IGF2: variants seen among roughly 807,000 people sequenced by gnomAD.
The protein encoded by IGF2 is insulin like growth factor 2.
Under a neutral mutation model 12.0 loss-of-function variants are expected in IGF2, and 2 were observed. That is an observed-to-expected ratio of 0.17 (90% CI 0.07 to 0.52). The LOEUF (loss-of-function observed/expected upper bound fraction) is 0.52, where lower values mean the gene tolerates loss of function less well. IGF2 is among the 20% of genes least tolerant of loss of function. The probability of loss-of-function intolerance (pLI) is 0.95; values close to 1 mark genes in which losing one functional copy is unlikely to be tolerated. For missense variants in IGF2, 211 were observed against 268.0 expected (o/e 0.79, Z 1.48); for synonymous variants, 105 against 110.1 (o/e 0.95, Z 0.29).
At chr11:2,135,231 C>T (rs535291940) in intron 2 of IGF2, 136 bp downstream of exon 2, 9 of 759,362 alleles carry the variant, frequency 1.2e-5, no homozygotes, top group African/African-American at 1.8e-5. Context: ...AGAAACGCGG[C>T]GGGAAGGTCA....
Position 2,138,472 on chromosome 11 carries a change from G to A in IGF2, c.-250C>T, listed in dbSNP as rs965694392. 5 of 934,800 alleles carry A rather than the reference G, an allele frequency of 5.3e-6. No individual in the cohort carries two copies. Among genetic ancestry groups the A allele is most frequent in the African/African-American group, 3.7e-5 (2 of 54,316 alleles). 57.9% of individuals were successfully genotyped at this position (934,800 alleles called of 1,614,324 possible). ...GGCGGGCCAGATGTTGTACTTTTCG[G>A]GGGGGAAAAGGTATCGGGAAATGAG... On this transcript the variant is annotated 5_prime_UTR_variant, in exon 1 of 4. Transcript: ENST00000416167.
At position 2,135,492 on chromosome 11, in the gene IGF2, A is replaced by G. The variant is rs1858942506; in HGVS notation, c.32T>C (p.Val11Ala). 1 of 1,613,546 alleles carries G rather than the reference A, an allele frequency of 6.2e-7. No homozygotes were observed. The highest frequency in any genetic ancestry group is 1.3e-5 in the African/African-American group (1 of 74,948). The stretch of plus-strand genomic sequence containing the variant: ...GGCGAAGGCCAAGAAGGTGAGAAGC[A>G]CCAGCATCGACTTCCCCATTGGGAT... MGIPMGKSML[V>A]LLTFLAFASC... Residue 11 changes from valine (V) to alanine (A), a missense_variant, in exon 2 of 4, where the codon GTG becomes GCG. Val to Ala is a moderately conservative substitution (Grantham distance 64). Around this residue, in one of 3 missense-constraint regions of IGF2, gnomAD observed 40 missense variants for 35.7 expected, o/e 1.12. Transcript: ENST00000416167.
At chr11:2,149,408 C>T in the IGF2 span, 1 of 1,388,122 alleles carries the variant, frequency 7.2e-7, no homozygotes, top group African/African-American at 1.4e-5. Context: ...GATGGGAGAG[C>T]CTCATCTCCG....
chr11:2,143,724 G>A (rs1859740112), upstream of IGF2, among the ~76,000 whole-genome samples: 1 of 152,228 alleles, frequency 6.6e-6, no homozygotes, highest in Non-Finnish European at 1.5e-5. Context: ...GGAAATTAAC[G>A]TCCAAGAAAA....
At position 2,139,304 on chromosome 11, in the gene IGF2, G is replaced by A. The variant is rs1250331793; in HGVS notation, c.-1082C>T. 6.8e-6 allele frequency: 1 copy of A among 148,116 alleles called. No individual in the cohort carries two copies. The highest frequency in any genetic ancestry group is 1.5e-5 in the Non-Finnish European group (1 of 66,276). 9.2% of individuals were successfully genotyped at this position (148,116 alleles called of 1,614,324 possible). ...TGGAGGCGCTGGTGGGCAGAGCGCG[G>A]GCAGGCGTGGGCCAGGAGGCGGGGG... On this transcript the variant is annotated 5_prime_UTR_variant, in exon 1 of 4. Coordinates refer to ENST00000416167, the MANE Select transcript of IGF2 (RefSeq NM_000612.6).
At chr11:2,137,435 C>T in intron 1 of IGF2, 1 of 163,526 alleles carries the variant, frequency 6.1e-6, no homozygotes, top group Non-Finnish European at 1.3e-5. Flanking sequence ...CTCTTCTCTC[C>T]TGCACCCCCA....
chr11:2,144,178 C>G (rs1462252931), upstream of IGF2, among the ~76,000 whole-genome samples: 1 of 152,188 alleles, frequency 6.6e-6, no homozygotes, highest in Non-Finnish European at 1.5e-5. Context: ...GGAAGAAACC[C>G]AAGGGCCGCG....
rs1859133189 is a variant in IGF2, at chr11:2,137,222, G to A, written c.-7+1007C>T. ...AGCAGAAGGCTCGCTGGGGCAGGAG[G>A]AGGAGGAGGAAGAGGAGGAGGAGGA... On this transcript the variant is annotated intron_variant, in intron 1 of 3. Transcript: ENST00000416167. The A allele has an allele frequency of 4.0e-6, 4 of 995,562 alleles. No individual in the cohort carries two copies. The South Asian group carries it at 1.8e-4, about 45-fold the overall frequency. 61.7% of individuals were successfully genotyped at this position (995,562 alleles called of 1,614,324 possible). A position where few individuals can be genotyped will look rare whatever the true frequency, so the allele number is the denominator to read the frequency against.
Position 2,133,063 on chromosome 11 carries a change from C to CG in IGF2, c.466dup (p.Arg156ProfsTer68). ...TTGGGTGGGTAGAGCAATCAGGGGACGGTGACGTTTGGCCTCCCTGAACGC... is the reference window on the plus strand; with the variant it reads ...TTGGGTGGGTAGAGCAATCAGGGGACGGGTGACGTTTGGCCTCCCTGAACGC... On this transcript the variant is annotated frameshift_variant, in exon 4 of 4. Coordinates refer to ENST00000416167, the MANE Select transcript of IGF2 (RefSeq NM_000612.6). LOFTEE classifies it high-confidence loss of function. This position sits in a 1 kb window ranked among gnomAD's most constrained non-coding sequence, Gnocchi z 8.9. The CG allele has an allele frequency of 6.2e-7, 1 of 1,604,896 alleles. No homozygotes were observed. The highest frequency in any genetic ancestry group is 8.5e-7 in the Non-Finnish European group (1 of 1,175,148).
Position 2,130,733 on chromosome 11 carries a change from C to T in IGF2, c.*2254G>A, listed in dbSNP as rs112863993. On this transcript the variant is annotated 3_prime_UTR_variant, in exon 4 of 4. Transcript: ENST00000416167. ...CCTGACTTTTCCATCCAAAATCTCC[C>T]GGGACCACTTCCTACCCCAGAACTC... 474 of 197,590 alleles carry T rather than the reference C, an allele frequency of 2.4e-3. 6 individuals carry two copies. Among genetic ancestry groups the T allele is most frequent in the African/African-American group, 0.01 (446 of 43,024 alleles). 12.2% of individuals were successfully genotyped at this position (197,590 alleles called of 1,614,324 possible). A position where few individuals can be genotyped will look rare whatever the true frequency, so the allele number is the denominator to read the frequency against.
Position 2,131,914 on chromosome 11 carries a change from CT to C in IGF2, c.*1072del, listed in dbSNP as rs1858619141. On this transcript the variant is annotated 3_prime_UTR_variant, in exon 4 of 4. Transcript: ENST00000416167. ...TGTGTGCTGTGCGTTTGTGTGTGTGCTGTGTGTGCATGTGTGTGCGTGTGTG... is the reference window on the plus strand; with the variant it reads ...TGTGTGCTGTGCGTTTGTGTGTGTGCGTGTGTGCATGTGTGTGCGTGTGTG... 1 of 132,402 alleles carries C rather than the reference CT, an allele frequency of 7.6e-6. No homozygotes were observed. Among genetic ancestry groups the C allele is most frequent in the East Asian group, 1.2e-4 (1 of 8,150 alleles). 8.2% of individuals were successfully genotyped at this position (132,402 alleles called of 1,614,324 possible).
At chr11:2,149,212 C>T in the IGF2 span, 19 of 1,613,400 alleles carry the variant, frequency 1.2e-5, no homozygotes, top group Non-Finnish European at 1.6e-5. Flanking sequence ...AGGCTCTCTG[C>T]CGAAACTGCC....
rs1858683462 is a variant in IGF2, at chr11:2,132,633, C to T, written c.*354G>A. ...CTTTTGTGGGGTGTTTCTAAAAAGC[C>T]AATTAGTTTTAAGAGGGTTGTTGTG... is the stretch of plus-strand genomic sequence containing the variant. On this transcript the variant is annotated 3_prime_UTR_variant, in exon 4 of 4. Transcript: ENST00000416167. 1 of 172,802 alleles carries T rather than the reference C, an allele frequency of 5.8e-6. No individual in the cohort carries two copies. 10.7% of individuals were successfully genotyped at this position (172,802 alleles called of 1,614,324 possible).
At position 2,129,472 on chromosome 11, in the gene IGF2, G is replaced by A. The variant is rs557192404; in HGVS notation, c.*3515C>T. On this transcript the variant is annotated 3_prime_UTR_variant, in exon 4 of 4. Coordinates refer to ENST00000416167, the MANE Select transcript of IGF2 (RefSeq NM_000612.6). The surrounding 1 kb of genome is among the most constrained non-coding windows in gnomAD (Gnocchi z 8.1). ...AACCTGGGGACGCAAGGGGCTGGTC[G>A]GCAAGTGCCCCCGGGAACACCCACT... The A allele has an allele frequency of 4.1e-4, 95 of 229,128 alleles. No homozygotes were observed. Among genetic ancestry groups the A allele is most frequent in the African/African-American group, 1.9e-3 (84 of 45,156 alleles). 14.2% of individuals were successfully genotyped at this position (229,128 alleles called of 1,614,324 possible).
intron 1 of IGF2, among the ~76,000 whole-genome samples, chr11:2,136,225 C>G (rs1859036848): frequency 6.6e-6 from 1 of 152,232 alleles, no homozygotes; most frequent in Non-Finnish European, 1.5e-5. Context: ...CCCAGTCACC[C>G]AGTTCTCCAA....
the IGF2 span, chr11:2,146,952 G>C: frequency 3.8e-5 from 6 of 155,946 alleles, no homozygotes; most frequent in African/African-American, 1.4e-4. Context: ...AGCCCCGCAG[G>C]CTCCTGACCA....
the IGF2 span, chr11:2,146,688 T>C: frequency 3.5e-6 from 1 of 283,000 alleles, no homozygotes; most frequent in South Asian, 3.1e-5. Context: ...TCCCGGCTTC[T>C]ATCTGGGATG....
rs1858712912 is a variant in IGF2 at position 2,132,955 on chromosome 11, G to A, written c.*32C>T. On this transcript the variant is annotated 3_prime_UTR_variant, in exon 4 of 4. Transcript: ENST00000416167. ...GGTCAGGAGGAGGCTGCAGGATGGTGGCGCCGGGCTGCAGACTTGCGGCAG... is the reference window on the plus strand; with the variant it reads ...GGTCAGGAGGAGGCTGCAGGATGGTAGCGCCGGGCTGCAGACTTGCGGCAG... The A allele has an allele frequency of 7.2e-7, 1 of 1,398,524 alleles. No homozygotes were observed. The highest frequency in any genetic ancestry group is 1.5e-5 in the African/African-American group (1 of 68,480). 86.6% of individuals were successfully genotyped at this position (1,398,524 alleles called of 1,614,324 possible). A position where few individuals can be genotyped will look rare whatever the true frequency, so the allele number is the denominator to read the frequency against.
chr11:2,138,400 G>GC lies in IGF2; in HGVS notation c.-179_-178insG. On this transcript the variant is annotated 5_prime_UTR_variant, in exon 1 of 4. Coordinates refer to ENST00000416167, the MANE Select transcript of IGF2 (RefSeq NM_000612.6). Reference sequence around the variant, plus strand: ...GATGGCTTTTTTTTGGGGGGGGGGGGAGAATTCGTCTGATTGTCCAGGGAG... The same window carrying GC: ...GATGGCTTTTTTTTGGGGGGGGGGGGCAGAATTCGTCTGATTGTCCAGGGAG... 3.4e-6 allele frequency: 1 copy of GC among 296,570 alleles called. No individual in the cohort carries two copies. Among genetic ancestry groups the GC allele is most frequent in the Non-Finnish European group, 4.8e-6 (1 of 208,288 alleles). The allele number at this position is 296,570 out of a possible 1,614,324, so 18.4% of individuals were successfully genotyped here.
Sources: allele counts gnomAD v4.1 joint callset (sites outside exome capture counted in the v4.1 genomes callset), GRCh38; gene constraint gnomAD v4.1.1; regional missense constraint gnomAD v4.1.1; non-coding constraint Gnocchi (gnomAD v3.1); transcripts MANE v1.5; gene names NCBI Gene and HGNC (gene_info 2026-07-23, HGNC 2026-07-21).